INSIG2: variants seen among roughly 807,000 people sequenced by gnomAD.
INSIG2 encodes the protein insulin induced gene 2.
INSIG2 carries 10 observed loss-of-function variants against 27.2 expected under a neutral mutation model. The observed-to-expected ratio is 0.37, with a 90% CI of 0.23 to 0.62. The LOEUF (loss-of-function observed/expected upper bound fraction) is 0.62, where lower values mean the gene tolerates loss of function less well. Among genes scored for constraint, INSIG2 ranks in the 20% least tolerant of loss-of-function variants. The pLI is 0.65. For synonymous variants in INSIG2, 97 were observed against 95.8 expected (o/e 1.01, Z -0.07); for missense variants, 178 against 270.2 (o/e 0.66, Z 2.39).
chr2:118,105,002 CTAA>C (rs1678638573), intron 3 of INSIG2, among the ~76,000 whole-genome samples: 1 of 152,192 alleles, frequency 6.6e-6, no homozygotes, highest in Non-Finnish European at 1.5e-5. Flanking sequence ...GCATACACTT[CTAA>C]TATTAGGTTA....
At chr2:118,092,746 A>G (rs1558831943) in intron 1 of INSIG2, among the ~76,000 whole-genome samples, 1 of 152,166 alleles carries the variant, frequency 6.6e-6, no homozygotes, top group Non-Finnish European at 1.5e-5. Flanking sequence ...GAGTAGAGTT[A>G]CTATATGTCT....
rs1404135166 is a variant in INSIG2, at chr2:118,109,343, T to C, written c.*1021T>C. 2.0e-5 allele frequency: 3 copies of C among 152,208 alleles called. No individual in the cohort carries two copies. The highest frequency in any genetic ancestry group is 7.2e-5 in the African/African-American group (3 of 41,444). The allele number at this position is 152,208 out of a possible 1,614,324, so 9.4% of individuals were successfully genotyped here. On this transcript the variant is annotated 3_prime_UTR_variant, in exon 6 of 6. Transcript: ENST00000245787. ...CTCGTTGGTGGAATGCCTAGGTTTT[T>C]CATCTTACATGCAGTCTTGGGGGTG...
chr2:118,101,695 G>A (rs1678549400), intron 2 of INSIG2, among the ~76,000 whole-genome samples: 1 of 152,178 alleles, frequency 6.6e-6, no homozygotes, highest in African/African-American at 2.4e-5. Context: ...TATTTGTATA[G>A]AAATTTTAAA....
intron 2 of INSIG2, among the ~76,000 whole-genome samples, chr2:118,100,130 A>T (rs929913): frequency 0.99 from 151,297 of 152,192 alleles, 75,210 homozygotes; most frequent in Middle Eastern, 1. Flanking sequence ...TTTTCCATGA[A>T]TGTCCTCAGC....
At chr2:118,092,993 A>G (rs2630459) in intron 1 of INSIG2, among the ~76,000 whole-genome samples, 8 of 130,676 alleles carry the variant, frequency 6.1e-5, no homozygotes, top group South Asian at 2.6e-4. Flanking sequence ...GAACCTTGCT[A>G]AAAGCAACCA....
intron 5 of INSIG2, among the ~76,000 whole-genome samples, chr2:118,107,907 A>G (rs1678714247): frequency 6.6e-6 from 1 of 152,140 alleles, no homozygotes; most frequent in Admixed American, 6.5e-5. Flanking sequence ...CAACAGCCCT[A>G]TCCTTAAGTT....
Position 118,092,668 on chromosome 2 carries a change from T to A in INSIG2, c.-138-3751T>A, listed in dbSNP as rs148166793. Among the ~76,000 whole-genome samples, 7 of 152,310 alleles carry A rather than the reference T, an allele frequency of 4.6e-5. No homozygotes were observed. In the East Asian group the frequency reaches 1.4e-3, roughly 29 times the overall value. On this transcript the variant is annotated intron_variant, in intron 1 of 5. Transcript: ENST00000245787. Reference sequence around the variant, plus strand: ...ATGTGACCATAAGCAAATTGCTGAATCTCTTTGACTTGGTAGCCTCATCTG... The same window carrying A: ...ATGTGACCATAAGCAAATTGCTGAAACTCTTTGACTTGGTAGCCTCATCTG...
intron 2 of INSIG2, among the ~76,000 whole-genome samples, chr2:118,099,911 C>T (rs962110934): frequency 6.6e-6 from 1 of 152,214 alleles, no homozygotes; most frequent in Admixed American, 6.5e-5. Flanking sequence ...TTTCTCAGCC[C>T]CCTTGTATGG....
chr2:118,094,367 A>AGATGATGGTGATGAT (rs1678357535), intron 1 of INSIG2, among the ~76,000 whole-genome samples: 1 of 118,096 alleles, frequency 8.5e-6, no homozygotes, highest in Non-Finnish European at 1.7e-5. Flanking sequence ...AAAAGCAACC[A>AGATGATGGTGATGAT]GATGATGATG....
At chr2:118,103,907 G>C (rs1332661197) in intron 3 of INSIG2, among the ~76,000 whole-genome samples, 1 of 152,068 alleles carries the variant, frequency 6.6e-6, no homozygotes, top group African/African-American at 2.4e-5. Flanking sequence ...TTATTTAGTG[G>C]TTAATGAGTA....
chr2:118,093,156 A>T (rs2630460), intron 1 of INSIG2, among the ~76,000 whole-genome samples: 2 of 104,260 alleles, frequency 1.9e-5, no homozygotes, highest in African/African-American at 8.0e-5. Flanking sequence ...GATGATGATG[A>T]TGATGATGAT....
chr2:118,095,024 G>A (rs1678374359), intron 1 of INSIG2, among the ~76,000 whole-genome samples: 1 of 152,192 alleles, frequency 6.6e-6, no homozygotes, highest in Admixed American at 6.5e-5. Flanking sequence ...GGGCTAAGCA[G>A]GAACTTTTCT....
intron 1 of INSIG2, among the ~76,000 whole-genome samples, chr2:118,095,330 A>G (rs1230421812): frequency 6.6e-6 from 1 of 152,206 alleles, no homozygotes; most frequent in Non-Finnish European, 1.5e-5. Context: ...GGGAGACTGA[A>G]CATCATGGTA....
chr2:118,089,470 C>G lies in INSIG2; in HGVS notation c.-139+929C>G, dbSNP rs58932347. ...CGTCCTGGTGCAGAAAAAATAAAAG[C>G]AGCCAGACAGTAGCTAGATGGTGTT... On this transcript the variant is annotated intron_variant, in intron 1 of 5. Coordinates refer to ENST00000245787, the MANE Select transcript of INSIG2 (RefSeq NM_016133.4). Among the ~76,000 whole-genome samples the G allele has an allele frequency of 1.9e-3, 293 of 152,172 alleles. 7 individuals are homozygous for G. The East Asian group carries it at 0.051, about 27-fold the overall frequency.
chr2:118,095,929 G>C (rs1405958828), intron 1 of INSIG2, among the ~76,000 whole-genome samples: 1 of 152,202 alleles, frequency 6.6e-6, no homozygotes, highest in Non-Finnish European at 1.5e-5. Context: ...TTGTTCTTCT[G>C]TGGAGGTTGT....
intron 2 of INSIG2, 104 bp from the exon 3 acceptor site, chr2:118,103,093 T>A: frequency 4.0e-6 from 4 of 1,003,326 alleles, no homozygotes; most frequent in Non-Finnish European, 5.5e-6. Context: ...TTTTTTTTTT[T>A]AAGAATCTTT....
Position 118,108,521 on chromosome 2 carries a change from T to C in INSIG2, c.*199T>C. 1 of 450,844 alleles carries C rather than the reference T, an allele frequency of 2.2e-6. No individual in the cohort carries two copies. The highest frequency in any genetic ancestry group is 4.3e-4 in the Middle Eastern group (1 of 2,350). 27.9% of individuals were successfully genotyped at this position (450,844 alleles called of 1,614,324 possible). The stretch of plus-strand genomic sequence containing the variant: ...TGTGATTGCTTCATCTGTAAATCAG[T>C]TGTAAACCTTTACATATTTGACTTA... On this transcript the variant is annotated 3_prime_UTR_variant, in exon 6 of 6. Coordinates refer to ENST00000245787, the MANE Select transcript of INSIG2 (RefSeq NM_016133.4).
At chr2:118,093,018 G>GAT (rs1678297338) in intron 1 of INSIG2, among the ~76,000 whole-genome samples, 3 of 94,256 alleles carry the variant, frequency 3.2e-5, no homozygotes, top group East Asian at 3.1e-4. Context: ...ATGATGATGA[G>GAT]GAGGAGGAGG....
intron 3 of INSIG2, among the ~76,000 whole-genome samples, chr2:118,106,182 C>T (rs894233794): frequency 1.3e-5 from 2 of 152,184 alleles, no homozygotes; most frequent in African/African-American, 4.8e-5. Flanking sequence ...ATACTGTGTC[C>T]TTGGTACTCT....
Sources: gnomAD v4.1 joint callset for allele counts (sites outside exome capture counted in the v4.1 genomes callset) on GRCh38, gnomAD v4.1.1 for gene constraint, MANE v1.5 for transcripts, NCBI Gene and HGNC (gene_info 2026-07-23, HGNC 2026-07-21) for gene names.